PPM1L: variants seen among roughly 807,000 people sequenced by gnomAD.
The protein encoded by PPM1L is protein phosphatase, Mg2+/Mn2+ dependent 1L.
A neutral mutation model predicts 31.4 loss-of-function variants in PPM1L; 13 were observed. That is an observed-to-expected ratio of 0.41 (90% confidence interval 0.27 to 0.66). The LOEUF is 0.66. Among genes scored for constraint, PPM1L ranks in the 30% least tolerant of loss-of-function variants. The pLI is 0.29. For synonymous variants in PPM1L, 184 were observed against 175.4 expected (o/e 1.05, Z -0.39); for missense variants, 326 against 453.7 (o/e 0.72, Z 2.56).
At chr3:160,880,579 AAT>A (rs1444541269) in intron 1 of PPM1L, among the ~76,000 whole-genome samples, 1 of 152,116 alleles carries the variant, frequency 6.6e-6, no homozygotes, top group Admixed American at 6.6e-5. Context: ...CATACTCCCA[AAT>A]ATGTGTTCCT....
intron 1 of PPM1L, among the ~76,000 whole-genome samples, chr3:160,918,254 G>A (rs1373293000): frequency 6.6e-6 from 1 of 152,218 alleles, no homozygotes; most frequent in Non-Finnish European, 1.5e-5. Context: ...TGTTATATAA[G>A]CCTATCACTT....
intron 1 of PPM1L, among the ~76,000 whole-genome samples, chr3:160,817,409 A>G (rs1713029954): frequency 6.6e-6 from 1 of 152,064 alleles, no homozygotes; most frequent in African/African-American, 2.4e-5. Context: ...GAGCAGTGGT[A>G]TTGGTGAGTA....
At chr3:160,791,743 G>T (rs183117044) in intron 1 of PPM1L, among the ~76,000 whole-genome samples, 14 of 152,290 alleles carry the variant, frequency 9.2e-5, no homozygotes, top group Admixed American at 3.3e-4. Flanking sequence ...TGTTAGGAAT[G>T]CTTCTTTAGA....
At chr3:160,814,950 T>C (rs1314811379) in intron 1 of PPM1L, among the ~76,000 whole-genome samples, 1 of 151,966 alleles carries the variant, frequency 6.6e-6, no homozygotes, top group East Asian at 1.9e-4. Flanking sequence ...GGAGCTAAGC[T>C]ATGAGGATGC....
intron 1 of PPM1L, among the ~76,000 whole-genome samples, chr3:160,955,823 T>C (rs979307823): frequency 4.6e-5 from 7 of 151,784 alleles, no homozygotes; most frequent in African/African-American, 1.7e-4. Context: ...GATAATTTTT[T>C]TTTTGTATTT....
intron 1 of PPM1L, among the ~76,000 whole-genome samples, chr3:160,928,228 A>G (rs116502844): frequency 0.013 from 1,939 of 152,260 alleles, 42 homozygotes; most frequent in African/African-American, 0.045. Context: ...TATGGATAAA[A>G]TGAGATAATG....
Position 161,071,748 on chromosome 3 carries a change from G to A in PPM1L, c.*2591G>A, listed in dbSNP as rs535206345. 11 of 152,338 alleles carry A rather than the reference G, an allele frequency of 7.2e-5. No homozygotes were observed. Among genetic ancestry groups the A allele is most frequent in the Admixed American group, 6.5e-4 (10 of 15,300 alleles). 9.4% of individuals were successfully genotyped at this position (152,338 alleles called of 1,614,324 possible). On this transcript the variant is annotated 3_prime_UTR_variant, in exon 4 of 4. Transcript: ENST00000498165. ...CTCTCTCCCTAGCCCTTTTCCAGCT[G>A]TTGGGGATGTGCAGACATCACTCCT...
intron 2 of PPM1L, among the ~76,000 whole-genome samples, chr3:160,997,650 T>A (rs1216363045): frequency 8.5e-5 from 13 of 152,124 alleles, no homozygotes; most frequent in Admixed American, 6.6e-4. Flanking sequence ...TAACCTTAGG[T>A]AGGATAGGCC....
At chr3:161,055,955 A>G (rs1296460559) in intron 2 of PPM1L, among the ~76,000 whole-genome samples, 3 of 151,804 alleles carry the variant, frequency 2.0e-5, no homozygotes, top group Non-Finnish European at 4.4e-5. Flanking sequence ...AACTTTCTCT[A>G]CTCCATCCAG....
chr3:160,841,486 C>T (rs1269931154), intron 1 of PPM1L, among the ~76,000 whole-genome samples: 1 of 152,150 alleles, frequency 6.6e-6, no homozygotes, highest in Non-Finnish European at 1.5e-5. Flanking sequence ...TACAGCCCAA[C>T]TGTATATTTT....
chr3:161,024,464 G>A (rs983698013), intron 2 of PPM1L, among the ~76,000 whole-genome samples: 12 of 150,846 alleles, frequency 8.0e-5, no homozygotes, highest in African/African-American at 2.4e-4. Flanking sequence ...TTTGGGAGGC[G>A]GAGGCGGGCA....
At chr3:160,846,196 G>T (rs151010570) in intron 1 of PPM1L, among the ~76,000 whole-genome samples, 1 of 152,152 alleles carries the variant, frequency 6.6e-6, no homozygotes, top group East Asian at 1.9e-4. Flanking sequence ...AAAAAACTTG[G>T]TTTTTCATAT....
intron 1 of PPM1L, among the ~76,000 whole-genome samples, chr3:160,934,260 GC>G (rs1714884383): frequency 6.6e-6 from 1 of 152,120 alleles, no homozygotes; most frequent in South Asian, 2.1e-4. Flanking sequence ...TTTTTGGTAG[GC>G]CTCCTGCTGT....
intron 1 of PPM1L, among the ~76,000 whole-genome samples, chr3:160,930,596 A>C (rs1438690960): frequency 3.3e-5 from 5 of 152,192 alleles, no homozygotes; most frequent in Non-Finnish European, 1.5e-5. Flanking sequence ...TGGTGCAAGG[A>C]AGGCAGTTTT....
chr3:160,861,297 T>C (rs1232584548), intron 1 of PPM1L, among the ~76,000 whole-genome samples: 1 of 152,220 alleles, frequency 6.6e-6, no homozygotes, highest in African/African-American at 2.4e-5. Flanking sequence ...AATGTCCTAC[T>C]GTTGCCTAGA....
At position 161,069,265 on chromosome 3, in the gene PPM1L, C is replaced by A; in HGVS notation, c.*108C>A. 1.2e-6 allele frequency: 1 copy of A among 830,984 alleles called. No homozygotes were observed. 51.5% of individuals were successfully genotyped at this position (830,984 alleles called of 1,614,324 possible). A position where few individuals can be genotyped will look rare whatever the true frequency, so the allele number is the denominator to read the frequency against. On this transcript the variant is annotated 3_prime_UTR_variant, in exon 4 of 4. Coordinates refer to ENST00000498165, the MANE Select transcript of PPM1L (RefSeq NM_139245.4). ...TGTAATTAGGATCATCCACCCCAGA[C>A]ATGGAATCCCCCCTCCCTGGTGGTC...
At chr3:160,762,499 A>G (rs1442452902) in intron 1 of PPM1L, among the ~76,000 whole-genome samples, 1 of 152,186 alleles carries the variant, frequency 6.6e-6, no homozygotes, top group Non-Finnish European at 1.5e-5. Flanking sequence ...GTGATGTCTA[A>G]AGATGATTTG....
intron 1 of PPM1L, among the ~76,000 whole-genome samples, chr3:160,813,867 C>T (rs1455605647): frequency 2.0e-5 from 3 of 152,156 alleles, no homozygotes; most frequent in African/African-American, 7.2e-5. Context: ...ATGGAACATT[C>T]TGCATACGTT....
At chr3:161,038,367 A>G (rs577510839) in intron 2 of PPM1L, among the ~76,000 whole-genome samples, 1 of 152,136 alleles carries the variant, frequency 6.6e-6, no homozygotes, top group Non-Finnish European at 1.5e-5. Flanking sequence ...GCTGGAGTAC[A>G]GTGGCACAAT....
Sources: gnomAD v4.1 joint callset for allele counts (sites outside exome capture counted in the v4.1 genomes callset) on GRCh38, gnomAD v4.1.1 for gene constraint, MANE v1.5 for transcripts, NCBI Gene and HGNC (gene_info 2026-07-23, HGNC 2026-07-21) for gene names.